EDNRB: variants seen among roughly 807,000 people sequenced by gnomAD.
EDNRB encodes endothelin receptor type B.
Under a neutral mutation model 46.4 loss-of-function variants are expected in EDNRB, and 18 were observed. The observed-to-expected ratio is 0.39, with a 90% CI of 0.27 to 0.57. The LOEUF (loss-of-function observed/expected upper bound fraction) is 0.57, where lower values mean the gene tolerates loss of function less well. EDNRB is among the 20% of genes least tolerant of loss of function. The pLI, the probability that EDNRB is intolerant of heterozygous loss-of-function variation, is 0.61. For synonymous variants in EDNRB, 213 were observed against 204.9 expected (o/e 1.04, Z -0.34); for missense variants, 434 against 537.5 (o/e 0.81, Z 1.90).
intron 1 of EDNRB, 123 bp from the exon 2 acceptor site, chr13:77,903,730 C>A: frequency 2.5e-6 from 2 of 801,442 alleles, no homozygotes; most frequent in South Asian, 2.9e-5. Flanking sequence ...TTCTTTTTCT[C>A]ATGGACTACT....
At position 77,898,121 on chromosome 13, in the gene EDNRB, G is replaced by T; in HGVS notation, c.*79C>A. The T allele has an allele frequency of 2.6e-6, 4 of 1,563,116 alleles. No homozygotes were observed. Among genetic ancestry groups the T allele is most frequent in the South Asian group, 2.3e-5 (2 of 86,184 alleles). ...GTGCAAATACATAGTTTTTTGTTTT[G>T]TTTTGGCAAATGTTTCATTTTGTTT... On this transcript the variant is annotated 3_prime_UTR_variant, in exon 7 of 7. Transcript: ENST00000646607.
chr13:77,934,686 G>T (rs986577898), intron 1 of EDNRB, among the ~76,000 whole-genome samples: 4 of 150,656 alleles, frequency 2.7e-5, no homozygotes, highest in Admixed American at 2.6e-4. Context: ...GAAAGGGGGG[G>T]GGGGGCCTGA....
chr13:77,897,511 C>T lies in EDNRB; in HGVS notation c.*689G>A. On this transcript the variant is annotated 3_prime_UTR_variant, in exon 7 of 7. Transcript: ENST00000646607. ...TTTTAAATTCAGCTGGCACATGTGC[C>T]AGTCTGTTACATGCTGCTTGTTTGT... 1.0e-6 allele frequency: 1 copy of T among 980,426 alleles called. No individual in the cohort carries two copies. Among genetic ancestry groups the T allele is most frequent in the South Asian group, 4.7e-5 (1 of 21,186 alleles). The allele number at this position is 980,426 out of a possible 1,614,324, so 60.7% of individuals were successfully genotyped here.
intron 1 of EDNRB, among the ~76,000 whole-genome samples, chr13:77,940,231 A>G (rs536398175): frequency 5.9e-5 from 9 of 152,218 alleles, no homozygotes; most frequent in Admixed American, 3.3e-4. Flanking sequence ...GAGCTTCACT[A>G]TAAGAGATTC....
At chr13:77,964,148 T>C (rs1269191590) in intron 1 of EDNRB, among the ~76,000 whole-genome samples, 2 of 152,090 alleles carry the variant, frequency 1.3e-5, no homozygotes, top group Non-Finnish European at 2.9e-5. Context: ...TGTGGAGAAA[T>C]AGGAACACTT....
chr13:77,957,331 T>G (rs1018527603), intron 1 of EDNRB, among the ~76,000 whole-genome samples: 5 of 152,198 alleles, frequency 3.3e-5, no homozygotes, highest in Admixed American at 6.5e-5. Context: ...TGCATTTATG[T>G]GATAGCGTTA....
intron 1 of EDNRB, among the ~76,000 whole-genome samples, chr13:77,914,244 G>A (rs1879706286): frequency 6.6e-6 from 1 of 152,148 alleles, no homozygotes; most frequent in African/African-American, 2.4e-5. Context: ...GTCGTTTGTA[G>A]TCATGTTTGT....
chr13:77,903,978 A>G (rs1349402227), intron 1 of EDNRB, among the ~76,000 whole-genome samples: 1 of 151,980 alleles, frequency 6.6e-6, no homozygotes, highest in Non-Finnish European at 1.5e-5. Context: ...GGGTTAATTA[A>G]AATTGAATGA....
intron 1 of EDNRB, among the ~76,000 whole-genome samples, chr13:77,927,843 A>C (rs1248049628): frequency 6.6e-6 from 1 of 152,200 alleles, no homozygotes; most frequent in African/African-American, 2.4e-5. Flanking sequence ...AATAATTCCC[A>C]TGTGCATGAG....
At chr13:77,943,281 C>A (rs1880804874) in intron 1 of EDNRB, among the ~76,000 whole-genome samples, 1 of 152,070 alleles carries the variant, frequency 6.6e-6, no homozygotes, top group African/African-American at 2.4e-5. Flanking sequence ...CTGTTAAATG[C>A]TCACGTAGAG....
chr13:77,974,570 G>T (rs2137699485), intron 1 of EDNRB, among the ~76,000 whole-genome samples: 1 of 151,150 alleles, frequency 6.6e-6, no homozygotes. Flanking sequence ...TTAACTACTT[G>T]TATATCTCTG....
intron 1 of EDNRB, among the ~76,000 whole-genome samples, chr13:77,915,085 G>A (rs762329134): frequency 1.1e-4 from 16 of 152,040 alleles, no homozygotes; most frequent in Admixed American, 9.8e-4. Flanking sequence ...ATTAAATATA[G>A]CCTTCATAAC....
chr13:77,902,903 A>G (rs925959682), intron 3 of EDNRB, among the ~76,000 whole-genome samples: 1 of 151,906 alleles, frequency 6.6e-6, no homozygotes, highest in Admixed American at 6.6e-5. Flanking sequence ...ATAAATTCAC[A>G]TCAATTCTTT....
chr13:77,968,040 A>G (rs562747627), intron 1 of EDNRB, among the ~76,000 whole-genome samples: 53 of 152,332 alleles, frequency 3.5e-4, no homozygotes, highest in African/African-American at 1.3e-3. Flanking sequence ...AAGTTCATGA[A>G]TTATGACTGA....
At chr13:77,900,051 A>T in intron 5 of EDNRB, 84 bp from the exon 6 acceptor site, 1 of 1,117,902 alleles carries the variant, frequency 8.9e-7, no homozygotes, top group Non-Finnish European at 1.3e-6. Flanking sequence ...TTTTGTAAGG[A>T]AAAAAAATGC....
chr13:77,929,080 A>G (rs1880316321), intron 1 of EDNRB, among the ~76,000 whole-genome samples: 1 of 152,178 alleles, frequency 6.6e-6, no homozygotes. Flanking sequence ...TTAGTGATTC[A>G]TTTCCTGTAC....
At chr13:77,919,452 A>C (rs761846391), upstream of EDNRB, 54 of 1,612,622 alleles carry the variant, frequency 3.3e-5, no homozygotes, top group African/African-American at 6.3e-4. Flanking sequence ...CCTTCCCGGG[A>C]GGCGGAACCC....
At chr13:77,960,600 C>G (rs1467274095) in intron 1 of EDNRB, among the ~76,000 whole-genome samples, 1 of 152,110 alleles carries the variant, frequency 6.6e-6, no homozygotes, top group African/African-American at 2.4e-5. Flanking sequence ...ATTGTAAAGA[C>G]CATCGATGCT....
chr13:77,923,402 AT>A (rs1405575008), upstream of EDNRB, among the ~76,000 whole-genome samples: 2 of 152,194 alleles, frequency 1.3e-5, no homozygotes, highest in Non-Finnish European at 2.9e-5. Flanking sequence ...TTGAAAAGAT[AT>A]TAGAAATTCC....
Sources: gnomAD v4.1 joint callset for allele counts (sites outside exome capture counted in the v4.1 genomes callset) on GRCh38, gnomAD v4.1.1 for gene constraint, MANE v1.5 for transcripts, NCBI Gene and HGNC (gene_info 2026-07-23, HGNC 2026-07-21) for gene names.